The following COQ10B variants were observed in gnomAD, a reference collection of about 807,000 sequenced individuals.
The protein encoded by COQ10B is coenzyme Q10B, also known as coenzyme Q-binding protein COQ10 homolog B, mitochondrial.
In COQ10B, 12 loss-of-function variants were observed where a neutral mutation model predicts 27.6. The ratio of observed to expected loss-of-function variants is 0.43; its 90% CI spans 0.28 to 0.70. The LOEUF is 0.70. Ranked by LOEUF, COQ10B falls within the 30% of genes least tolerant of loss-of-function variation. COQ10B has a pLI of 0.17. For missense variants in COQ10B, 278 were observed against 288.7 expected (o/e 0.96, Z 0.27); for synonymous variants, 115 against 103.0 (o/e 1.12, Z -0.71).
intron 1 of COQ10B, among the ~76,000 whole-genome samples, chr2:197,455,270 A>G (rs749181188): frequency 2.6e-5 from 4 of 152,146 alleles, no homozygotes; most frequent in Non-Finnish European, 5.9e-5. Context: ...ATCTTTTTTC[A>G]AGTAAAGGTT....
chr2:197,459,822 C>G (rs2085736961), intron 1 of COQ10B, 110 bp from the exon 2 acceptor site: 1 of 636,348 alleles, frequency 1.6e-6, no homozygotes, highest in African/African-American at 1.9e-5. Context: ...CAGAAACATT[C>G]TGAAGTTGCA....
At chr2:197,456,258 G>C (rs1025209219) in intron 1 of COQ10B, among the ~76,000 whole-genome samples, 2 of 152,042 alleles carry the variant, frequency 1.3e-5, no homozygotes, top group African/African-American at 4.8e-5. Flanking sequence ...AAGGTCAAGA[G>C]ATCAAGACCA....
chr2:197,471,447 A>G (rs1452131916), intron 4 of COQ10B, among the ~76,000 whole-genome samples: 1 of 152,068 alleles, frequency 6.6e-6, no homozygotes, highest in East Asian at 1.9e-4. Context: ...CAGCCTAGTA[A>G]CTTTCTTTTT....
In COQ10B at chr2:197,475,214, C is replaced by G. The variant is rs2106063284; in HGVS notation, c.*1290C>G. The G allele has an allele frequency of 6.6e-6, 1 of 152,360 alleles. No homozygotes were observed. Among genetic ancestry groups the G allele is most frequent in the Middle Eastern group, 3.4e-3 (1 of 294 alleles). 9.4% of individuals were successfully genotyped at this position (152,360 alleles called of 1,614,324 possible). A position where few individuals can be genotyped will look rare whatever the true frequency, so the allele number is the denominator to read the frequency against. On this transcript the variant is annotated 3_prime_UTR_variant, in exon 5 of 5. Coordinates refer to ENST00000263960, the MANE Select transcript of COQ10B (RefSeq NM_025147.5). ...AGTAAAGTGTTACAGCATTTCATGT[C>G]TTAAAAATATCTATGAAGATATCTA...
At chr2:197,467,752 A>T (rs761635297) in intron 3 of COQ10B, among the ~76,000 whole-genome samples, 1 of 152,226 alleles carries the variant, frequency 6.6e-6, no homozygotes, top group African/African-American at 2.4e-5. Flanking sequence ...AAAAATTATT[A>T]TAAGGGAAGA....
chr2:197,467,320 C>G (rs116158481), intron 3 of COQ10B, among the ~76,000 whole-genome samples: 120 of 150,802 alleles, frequency 8.0e-4, no homozygotes, highest in African/African-American at 2.9e-3. Context: ...TACCCAGGTT[C>G]TGGATTTGAT....
intron 1 of COQ10B, chr2:197,453,987 AAAGTTTT>A: frequency 6.4e-7 from 1 of 1,550,898 alleles, no homozygotes; most frequent in Non-Finnish European, 8.7e-7. Context: ...CTGCTGTTGG[AAAGTTTT>A]AACTTTGCGC....
intron 1 of COQ10B, among the ~76,000 whole-genome samples, chr2:197,457,126 A>G (rs184986717): frequency 2.6e-4 from 40 of 152,232 alleles, no homozygotes; most frequent in African/African-American, 9.1e-4. Flanking sequence ...TCTGGCTCCT[A>G]TGAGAATCTG....
At chr2:197,460,807 A>G (rs2085749505) in intron 2 of COQ10B, among the ~76,000 whole-genome samples, 1 of 152,232 alleles carries the variant, frequency 6.6e-6, no homozygotes, top group African/African-American at 2.4e-5. Flanking sequence ...CAGCTCCTTC[A>G]TTGTAGTCCG....
chr2:197,465,639 G>A (rs1472953305), intron 3 of COQ10B, among the ~76,000 whole-genome samples: 1 of 152,156 alleles, frequency 6.6e-6, no homozygotes, highest in Non-Finnish European at 1.5e-5. Flanking sequence ...AGGTTTGGTA[G>A]CATGCACCTG....
At chr2:197,467,719 TATTA>T (rs2085840132) in intron 3 of COQ10B, among the ~76,000 whole-genome samples, 1 of 152,198 alleles carries the variant, frequency 6.6e-6, no homozygotes, top group South Asian at 2.1e-4. Flanking sequence ...CAGTAAAAAT[TATTA>T]TTTTTTACCC....
At chr2:197,459,751 T>G (rs1037312955) in intron 1 of COQ10B, among the ~76,000 whole-genome samples, 181 bp from the exon 2 acceptor site, 8 of 152,002 alleles carry the variant, frequency 5.3e-5, no homozygotes, top group East Asian at 1.9e-4. Flanking sequence ...TATTTTTGTT[T>G]TTTTTTTTTA....
intron 1 of COQ10B, among the ~76,000 whole-genome samples, chr2:197,456,997 G>T (rs573430957): frequency 6.6e-6 from 1 of 152,114 alleles, no homozygotes; most frequent in Admixed American, 6.5e-5. Flanking sequence ...AAATGGGGGT[G>T]GTGGGGTGGG....
At chr2:197,454,152 T>C in intron 1 of COQ10B, 1 of 1,544,904 alleles carries the variant, frequency 6.5e-7, no homozygotes, top group Non-Finnish European at 8.8e-7. Flanking sequence ...TTTACAAAAC[T>C]AAATACAGCC....
At chr2:197,460,848 G>T (rs1184963088) in intron 2 of COQ10B, among the ~76,000 whole-genome samples, 1 of 152,156 alleles carries the variant, frequency 6.6e-6, no homozygotes, top group African/African-American at 2.4e-5. Flanking sequence ...TTAAATAAAC[G>T]GGTGTGGCCA....
chr2:197,469,097 T>C (rs547886353), intron 3 of COQ10B, among the ~76,000 whole-genome samples: 1 of 152,348 alleles, frequency 6.6e-6, no homozygotes, highest in East Asian at 1.9e-4. Flanking sequence ...TTCAGTGGCG[T>C]AATTATAGCT....
In COQ10B at chr2:197,459,365, T is replaced by C. The variant is rs573594593; in HGVS notation, c.105-567T>C. On this transcript the variant is annotated intron_variant, in intron 1 of 4. Coordinates refer to ENST00000263960, the MANE Select transcript of COQ10B (RefSeq NM_025147.5). Reference sequence around the variant, plus strand: ...AATTTTTTTGTAGAGACAGGGTCGCTATGTTGCCCAGGCTGGTCACAAACT... The same window carrying C: ...AATTTTTTTGTAGAGACAGGGTCGCCATGTTGCCCAGGCTGGTCACAAACT... 1.1e-4 allele frequency among the ~76,000 whole-genome samples: 16 copies of C among 152,092 alleles called. No homozygotes were observed. The South Asian group carries it at 2.9e-3, about 28-fold the overall frequency.
At position 197,464,036 on chromosome 2, in the gene COQ10B, C is replaced by T. The variant is rs1195102742; in HGVS notation, c.447+1305C>T. On this transcript the variant is annotated intron_variant, in intron 3 of 4. Coordinates refer to ENST00000263960, the MANE Select transcript of COQ10B (RefSeq NM_025147.5). Reference sequence around the variant, plus strand: ...ACACACACACACACACATACATACACACACATATATATATACGTATATATA... The same window carrying T: ...ACACACACACACACACATACATACATACACATATATATATACGTATATATA... Among the ~76,000 whole-genome samples, 7 of 112,616 alleles carry T rather than the reference C, an allele frequency of 6.2e-5. No individual in the cohort carries two copies. The East Asian group carries it at 1.7e-3, about 28-fold the overall frequency. 73.9% of individuals were successfully genotyped at this position (112,616 alleles called of 152,430 possible). A position where few individuals can be genotyped will look rare whatever the true frequency, so the allele number is the denominator to read the frequency against.
rs747513530 is a variant in COQ10B, at chr2:197,454,005, A to C, written c.104+341A>C. 10 of 1,551,210 alleles carry C rather than the reference A, an allele frequency of 6.4e-6. No individual in the cohort carries two copies. The South Asian group carries it at 1.1e-4, about 17-fold the overall frequency. ...CTGTTGGAAAGTTTTAACTTTGCGC[A>C]GAAGGGTTGCCGGCTGCTGGCTGTA... On this transcript the variant is annotated intron_variant, in intron 1 of 4. Coordinates refer to ENST00000263960, the MANE Select transcript of COQ10B (RefSeq NM_025147.5).
Sources: gnomAD v4.1 joint callset for allele counts (sites outside exome capture counted in the v4.1 genomes callset) on GRCh38, gnomAD v4.1.1 for gene constraint, MANE v1.5 for transcripts, NCBI Gene and HGNC (gene_info 2026-07-23, HGNC 2026-07-21) for gene names.